PLEKHA7: variants seen among roughly 807,000 people sequenced by gnomAD.
The protein encoded by PLEKHA7 is pleckstrin homology domain-containing family A member 7.
In PLEKHA7, 104 loss-of-function variants were observed where a neutral mutation model predicts 170.0. The ratio of observed to expected loss-of-function variants is 0.61; its 90% CI spans 0.52 to 0.72. The LOEUF is 0.72. Ranked by LOEUF, PLEKHA7 falls within the 30% of genes least tolerant of loss-of-function variation. PLEKHA7 has a pLI of 0.00. For synonymous variants in PLEKHA7, 648 were observed against 660.8 expected (o/e 0.98, Z 0.30); for missense variants, 1,615 against 1,671.7 (o/e 0.97, Z 0.59).
chr11:16,906,750 G>T (rs1262221031), intron 3 of PLEKHA7, among the ~76,000 whole-genome samples: 1 of 140,390 alleles, frequency 7.1e-6, no homozygotes, highest in East Asian at 2.0e-4. Flanking sequence ...CCGCCACCCC[G>T]TCTGGGAAGT....
chr11:16,893,750 C>G (rs1223231530), intron 3 of PLEKHA7, among the ~76,000 whole-genome samples: 4 of 152,202 alleles, frequency 2.6e-5, no homozygotes, highest in African/African-American at 9.6e-5. Context: ...ACTCCGTAAA[C>G]CAGGACTGTG....
At chr11:16,788,926 C>T in intron 23 of PLEKHA7, 170 bp downstream of exon 23, 4 of 795,884 alleles carry the variant, frequency 5.0e-6, no homozygotes, top group Non-Finnish European at 7.8e-6. Context: ...TCTGACCAGG[C>T]ATTCGTCCAG....
rs1309897226 is a variant in PLEKHA7, at chr11:16,851,198, G to A, written c.689C>T (p.Ser230Phe). 1 of 1,606,472 alleles carries A rather than the reference G, an allele frequency of 6.2e-7. No homozygotes were observed. The highest frequency in any genetic ancestry group is 8.5e-7 in the Non-Finnish European group (1 of 1,176,058). Reference protein sequence around the residue: ...APEDRISRKYSFKAVHTGMRA... With the variant: ...APEDRISRKYFFKAVHTGMRA... ...GAGGTGCAGGGGCAGTACCTTAAAG[G>A]AATATTTGCGGCTTATGCGATCCTC... Residue 230 changes from serine (S) to phenylalanine (F), a missense_variant, in exon 8 of 27, where the codon TCC (serine) becomes TTC (phenylalanine). Physicochemically the swap from Ser to Phe is radical, Grantham distance 155 (BLOSUM62 -2). Transcript: ENST00000531066.
At chr11:16,963,540 G>T (rs1274365159) in intron 3 of PLEKHA7, among the ~76,000 whole-genome samples, 1 of 152,172 alleles carries the variant, frequency 6.6e-6, no homozygotes, top group Non-Finnish European at 1.5e-5. Flanking sequence ...ATCCTGGGGT[G>T]CTGGGCTGCA....
chr11:16,873,543 C>G (rs987490960), intron 3 of PLEKHA7, among the ~76,000 whole-genome samples: 2 of 152,154 alleles, frequency 1.3e-5, no homozygotes, highest in Non-Finnish European at 2.9e-5. Flanking sequence ...GACTAGTCTT[C>G]CCAAAAAAGC....
Position 16,790,883 on chromosome 11 carries a change from C to A in PLEKHA7, c.2967G>T (p.Glu989Asp). Reference protein sequence around the residue: ...VELRSYVSEPELATLSGDMAQ... With the variant: ...VELRSYVSEPDLATLSGDMAQ... ...CCATGTCCCCGCTGAGGGTCGCCAG[C>A]TCAGGCTCACTGACATACGACCGCA... is the stretch of plus-strand genomic sequence containing the variant. Residue 989 changes from glutamate to aspartate, a missense_variant, in exon 21 of 27, where the codon GAG becomes GAT. Physicochemically the swap from Glu to Asp is conservative, Grantham distance 45 (BLOSUM62 2). Transcript: ENST00000531066. 6.2e-7 allele frequency: 1 copy of A among 1,612,798 alleles called. No homozygotes were observed. Among genetic ancestry groups the A allele is most frequent in the South Asian group, 1.1e-5 (1 of 90,894 alleles).
chr11:16,889,415 AAAAAAATAT>A lies in PLEKHA7; in HGVS notation c.222-18242_222-18234del, dbSNP rs1293486343. Among the ~76,000 whole-genome samples the A allele has an allele frequency of 6.2e-3, 728 of 116,570 alleles. 11 individuals carry two copies. Among genetic ancestry groups the A allele is most frequent in the African/African-American group, 0.024 (660 of 27,722 alleles). 76.5% of individuals were successfully genotyped at this position (116,570 alleles called of 152,430 possible). ...CTTTATTGCTCAAAAAAAAAAAAAA[AAAAAAATAT>A]ATATATATATATATATATATATGAA... On this transcript the variant is annotated intron_variant, in intron 3 of 26. Coordinates refer to ENST00000531066, the MANE Select transcript of PLEKHA7 (RefSeq NM_001329630.2).
chr11:16,838,755 C>G (rs896871229), intron 9 of PLEKHA7, among the ~76,000 whole-genome samples: 1 of 136,606 alleles, frequency 7.3e-6, no homozygotes, highest in African/African-American at 2.7e-5. Context: ...GGTGCGATCT[C>G]TGCTCACTGC....
Position 16,791,057 on chromosome 11 carries a change from C to T in PLEKHA7, c.2888G>A (p.Arg963Lys). 1 of 1,614,174 alleles carries T rather than the reference C, an allele frequency of 6.2e-7. No individual in the cohort carries two copies. Among genetic ancestry groups the T allele is most frequent in the Non-Finnish European group, 8.5e-7 (1 of 1,180,038 alleles). Residue 963 changes from arginine (R) to lysine (K), a missense_variant, in exon 20 of 27, where the codon AGG becomes AAG. Coordinates refer to ENST00000531066, the MANE Select transcript of PLEKHA7 (RefSeq NM_001329630.2). This position sits in a 1 kb window ranked among gnomAD's most constrained non-coding sequence, Gnocchi z 4.5. ...CTGCCCCAGCTCCCGGTCTCGCTTC[C>T]TCTCGTCTGACTGCCGCTTGAGGCC... ...VRGLKRQSDE[R>K]KRDRELGQCV...
At chr11:16,985,179 G>A (rs773915810) in intron 3 of PLEKHA7, among the ~76,000 whole-genome samples, 18 of 152,182 alleles carry the variant, frequency 1.2e-4, no homozygotes, top group Non-Finnish European at 2.4e-4. Context: ...CCAGCACCTG[G>A]CCCAGGGTTG....
chr11:16,889,418 A>T (rs59042698), intron 3 of PLEKHA7, among the ~76,000 whole-genome samples: 2,895 of 102,420 alleles, frequency 0.028, 72 homozygotes, highest in African/African-American at 0.093. Flanking sequence ...AAAAAAAAAA[A>T]AAATATATAT....
rs755568470 is a variant in PLEKHA7 at position 16,851,216 on chromosome 11, C to A, written c.671G>T (p.Arg224Leu). The change falls in exon 8 of 27, where the codon CGC (arginine) becomes CTC (leucine). Residue 224 changes from arginine to leucine, a missense_variant. Arg to Leu is a moderately radical substitution (Grantham distance 102). Transcript: ENST00000531066. Reference protein sequence around the residue: ...YVISPVAPEDRISRKYSFKAV... With the variant: ...YVISPVAPEDLISRKYSFKAV... ...CTTAAAGGAATATTTGCGGCTTATG[C>A]GATCCTCAGGGGCCACAGGAGAGAT... 2.5e-6 allele frequency: 4 copies of A among 1,609,078 alleles called. No homozygotes were observed. Among genetic ancestry groups the A allele is most frequent in the Admixed American group, 1.7e-5 (1 of 59,486 alleles).
intron 6 of PLEKHA7, among the ~76,000 whole-genome samples, chr11:16,854,570 G>T (rs1211283922): frequency 6.6e-6 from 1 of 152,230 alleles, no homozygotes; most frequent in African/African-American, 2.4e-5. Context: ...AGGAAGGCAA[G>T]TGCTGGTAGA....
chr11:16,873,195 C>T (rs1318514396), intron 3 of PLEKHA7, among the ~76,000 whole-genome samples: 1 of 152,168 alleles, frequency 6.6e-6, no homozygotes, highest in African/African-American at 2.4e-5. Flanking sequence ...GAGACTAAGC[C>T]TCCCTAGAGA....
At chr11:16,976,436 G>A (rs940191906) in intron 3 of PLEKHA7, among the ~76,000 whole-genome samples, 2 of 152,190 alleles carry the variant, frequency 1.3e-5, no homozygotes, top group African/African-American at 4.8e-5. Flanking sequence ...CACTCAAGGG[G>A]AGAAAACAGG....
At chr11:16,985,613 G>A (rs758728550) in intron 3 of PLEKHA7, among the ~76,000 whole-genome samples, 3 of 152,242 alleles carry the variant, frequency 2.0e-5, no homozygotes, top group African/African-American at 4.8e-5. Flanking sequence ...TTATCCATCC[G>A]TTCATTCCGC....
At chr11:17,000,052 G>T (rs1224707461) in intron 3 of PLEKHA7, among the ~76,000 whole-genome samples, 1 of 152,108 alleles carries the variant, frequency 6.6e-6, no homozygotes, top group East Asian at 1.9e-4. Flanking sequence ...TAAATCAAAT[G>T]TGTCAATCAA....
At chr11:16,884,969 T>C (rs1855972689) in intron 3 of PLEKHA7, among the ~76,000 whole-genome samples, 1 of 152,208 alleles carries the variant, frequency 6.6e-6, no homozygotes, top group Admixed American at 6.5e-5. Context: ...GACGTCTGAG[T>C]TTGTAACTCC....
chr11:16,819,008 T>C (rs1850005026), intron 10 of PLEKHA7, among the ~76,000 whole-genome samples: 1 of 151,806 alleles, frequency 6.6e-6, no homozygotes, highest in Non-Finnish European at 1.5e-5. Context: ...TTTCACTGTG[T>C]TAGCCAGGAT....
Sources: gnomAD v4.1 joint callset for allele counts (sites outside exome capture counted in the v4.1 genomes callset) on GRCh38, gnomAD v4.1.1 for gene constraint, Gnocchi (gnomAD v3.1) non-coding constraint, MANE v1.5 for transcripts, NCBI Gene and HGNC (gene_info 2026-07-23, HGNC 2026-07-21) for gene names.